The following CDK14 variants were observed in gnomAD, a reference collection of about 807,000 sequenced individuals.
The protein encoded by CDK14 is cyclin dependent kinase 14.
A neutral mutation model predicts 60.7 loss-of-function variants in CDK14; 34 were observed. That is an observed-to-expected ratio of 0.56 (90% confidence interval 0.43 to 0.75). CDK14 has a LOEUF of 0.75. Among genes scored for constraint, CDK14 ranks in the 30% least tolerant of loss-of-function variants. The probability of loss-of-function intolerance (pLI) is 0.00; values close to 1 mark genes in which losing one functional copy is unlikely to be tolerated. For synonymous variants in CDK14, 197 were observed against 203.7 expected (o/e 0.97, Z 0.28); for missense variants, 482 against 564.1 (o/e 0.85, Z 1.47).
chr7:90,696,733 A>G (rs1801666712), intron 2 of CDK14, among the ~76,000 whole-genome samples: 1 of 152,190 alleles, frequency 6.6e-6, no homozygotes, highest in East Asian at 1.9e-4. Flanking sequence ...AGGTTAGGAT[A>G]GGAGTCACCT....
chr7:91,017,183 A>C (rs1208906), intron 10 of CDK14, among the ~76,000 whole-genome samples: 141,933 of 152,282 alleles, frequency 0.93, 66,300 homozygotes, highest in East Asian at 1. Flanking sequence ...TGACTTAAGA[A>C]TTTATTCCCC....
chr7:90,794,712 A>G (rs1016578463), intron 5 of CDK14, among the ~76,000 whole-genome samples: 4 of 152,214 alleles, frequency 2.6e-5, no homozygotes, highest in Non-Finnish European at 4.4e-5. Flanking sequence ...TGTGCAGTTA[A>G]CACAATCATC....
chr7:90,970,237 A>G (rs868759212), intron 9 of CDK14, among the ~76,000 whole-genome samples: 1 of 152,284 alleles, frequency 6.6e-6, no homozygotes, highest in Middle Eastern at 3.4e-3. Flanking sequence ...AAGTGCCGGG[A>G]TTAAAGGTGT....
intron 2 of CDK14, among the ~76,000 whole-genome samples, chr7:90,707,839 G>A (rs578063290): frequency 5.3e-5 from 8 of 152,234 alleles, no homozygotes; most frequent in African/African-American, 1.9e-4. Context: ...ACTGAATAGA[G>A]CACTCTCAAA....
chr7:91,000,972 C>T (rs1457396383), intron 10 of CDK14, among the ~76,000 whole-genome samples: 4 of 152,134 alleles, frequency 2.6e-5, no homozygotes, highest in Non-Finnish European at 5.9e-5. Context: ...TTTGGAAATA[C>T]ATAACTAAAT....
At chr7:91,066,371 A>C (rs1052476519) in intron 11 of CDK14, among the ~76,000 whole-genome samples, 3 of 152,094 alleles carry the variant, frequency 2.0e-5, no homozygotes, top group Admixed American at 1.3e-4. Context: ...CACTCCTCCC[A>C]AAAAAAGAAA....
chr7:90,773,380 A>T lies in CDK14; in HGVS notation c.465-17193A>T, dbSNP rs1392156270. ...AGCTACCCTGTGTCTCAGTTTCTTT[A>T]TAAAGTGAAGACAGTGGTAGTATCT... On this transcript the variant is annotated intron_variant, in intron 4 of 14. Transcript: ENST00000380050. Among the ~76,000 whole-genome samples, 3 of 152,354 alleles carry T rather than the reference A, an allele frequency of 2.0e-5. No homozygotes were observed. The East Asian group carries it at 5.8e-4, about 29-fold the overall frequency.
At chr7:90,739,806 C>T (rs2116773323) in intron 3 of CDK14, among the ~76,000 whole-genome samples, 1 of 152,172 alleles carries the variant, frequency 6.6e-6, no homozygotes, top group Admixed American at 6.5e-5. Flanking sequence ...ACAATATTTT[C>T]CCCATTGAAG....
chr7:91,154,913 G>A (rs914947568), intron 14 of CDK14, among the ~76,000 whole-genome samples: 6 of 152,196 alleles, frequency 3.9e-5, no homozygotes, highest in Non-Finnish European at 8.8e-5. Context: ...GAAAAAATGA[G>A]CCAAACGTTT....
chr7:91,031,377 A>G (rs1796754328), intron 10 of CDK14, among the ~76,000 whole-genome samples: 1 of 152,214 alleles, frequency 6.6e-6, no homozygotes, highest in Non-Finnish European at 1.5e-5. Flanking sequence ...ATCGTCATAC[A>G]GGAGTTTGGA....
chr7:90,626,106 A>G (rs1420178189), intron 2 of CDK14, among the ~76,000 whole-genome samples: 2 of 152,156 alleles, frequency 1.3e-5, no homozygotes, highest in African/African-American at 4.8e-5. Context: ...TGAGGCGAGT[A>G]TTGGGATTGT....
intron 12 of CDK14, among the ~76,000 whole-genome samples, chr7:91,103,458 G>C (rs1799199367): frequency 1.3e-5 from 2 of 152,128 alleles, no homozygotes; most frequent in Admixed American, 6.6e-5. Flanking sequence ...TAGAAACTTA[G>C]GTTAGATTTT....
chr7:90,723,491 G>A (rs538823902), intron 2 of CDK14, among the ~76,000 whole-genome samples: 5 of 152,262 alleles, frequency 3.3e-5, no homozygotes, highest in African/African-American at 1.2e-4. Flanking sequence ...CTTTCCCCAG[G>A]TCTGGTGATC....
intron 2 of CDK14, among the ~76,000 whole-genome samples, chr7:90,719,026 A>C (rs1802349659): frequency 6.6e-6 from 1 of 152,206 alleles, no homozygotes; most frequent in African/African-American, 2.4e-5. Flanking sequence ...AAAAACTTAT[A>C]AATGACTGAT....
At chr7:91,174,477 G>A (rs1217292694) in intron 14 of CDK14, among the ~76,000 whole-genome samples, 1 of 151,934 alleles carries the variant, frequency 6.6e-6, no homozygotes, top group East Asian at 1.9e-4. Context: ...GACGAGCTGA[G>A]AGAAGAAGGC....
intron 12 of CDK14, among the ~76,000 whole-genome samples, chr7:91,080,448 C>G (rs374710325): frequency 6.6e-6 from 1 of 152,088 alleles, no homozygotes; most frequent in Non-Finnish European, 1.5e-5. Context: ...ATTTGTACCT[C>G]GAATAACACA....
intron 4 of CDK14, among the ~76,000 whole-genome samples, chr7:90,758,024 A>G (rs1286073417): frequency 6.6e-6 from 1 of 152,348 alleles, no homozygotes; most frequent in Middle Eastern, 3.4e-3. Context: ...ATGTAGGAAC[A>G]CATACACTGG....
At chr7:91,003,270 A>G (rs1450474503) in intron 10 of CDK14, among the ~76,000 whole-genome samples, 1 of 152,106 alleles carries the variant, frequency 6.6e-6, no homozygotes, top group African/African-American at 2.4e-5. Context: ...TGTAAAATAG[A>G]TATTGATCCA....
At chr7:90,857,710 T>A (rs1233646507) in intron 5 of CDK14, among the ~76,000 whole-genome samples, 1 of 152,224 alleles carries the variant, frequency 6.6e-6, no homozygotes, top group Non-Finnish European at 1.5e-5. Context: ...CTTGTCTTGA[T>A]GAGGGAGACA....
Sources: allele counts gnomAD v4.1 joint callset (sites outside exome capture counted in the v4.1 genomes callset), GRCh38; gene constraint gnomAD v4.1.1; transcripts MANE v1.5; gene names NCBI Gene and HGNC (gene_info 2026-07-23, HGNC 2026-07-21).